Variants in COG5 observed in about 807,000 individuals in gnomAD.
The protein encoded by COG5 is conserved oligomeric Golgi complex subunit 5.
In COG5, 86 loss-of-function variants were observed where a neutral mutation model predicts 110.4. The ratio of observed to expected loss-of-function variants is 0.78; its 90% CI spans 0.65 to 0.93. The LOEUF (loss-of-function observed/expected upper bound fraction) is 0.93. Ranked by LOEUF, COG5 falls within the 40% of genes least tolerant of loss-of-function variation. The probability of loss-of-function intolerance (pLI) is 0.00; values close to 1 mark genes in which losing one functional copy is unlikely to be tolerated. For missense variants in COG5, 1,077 were observed against 987.0 expected (o/e 1.09, Z -1.22); for synonymous variants, 360 against 334.6 (o/e 1.08, Z -0.83).
At chr7:107,244,122 CG>C (rs1801867203) in intron 17 of COG5, among the ~76,000 whole-genome samples, 1 of 151,794 alleles carries the variant, frequency 6.6e-6, no homozygotes, top group African/African-American at 2.4e-5. Flanking sequence ...AGGGGTGGTG[CG>C]GGCCTGTAAT....
chr7:107,401,004 G>A (rs1314397296), intron 7 of COG5, among the ~76,000 whole-genome samples: 2 of 152,102 alleles, frequency 1.3e-5, no homozygotes, highest in African/African-American at 4.8e-5. Flanking sequence ...ATTATTTAAA[G>A]CAGGGATCAG....
At chr7:107,404,625 G>C (rs142352837) in intron 7 of COG5, among the ~76,000 whole-genome samples, 7 of 152,208 alleles carry the variant, frequency 4.6e-5, no homozygotes, top group African/African-American at 1.7e-4. Context: ...GAAAAGCAGA[G>C]AACATATGAG....
At chr7:107,517,590 C>A (rs986547492) in intron 6 of COG5, among the ~76,000 whole-genome samples, 6 of 151,906 alleles carry the variant, frequency 3.9e-5, no homozygotes, top group African/African-American at 1.5e-4. Context: ...TAAGAGCAGC[C>A]AGAGAAAAAG....
intron 6 of COG5, among the ~76,000 whole-genome samples, chr7:107,446,794 C>T (rs1795029461): frequency 1.3e-5 from 2 of 152,212 alleles, no homozygotes; most frequent in African/African-American, 4.8e-5. Context: ...TTCACTACAA[C>T]CTCATGAGAG....
chr7:107,224,434 A>C (rs562253987), intron 19 of COG5, among the ~76,000 whole-genome samples: 1 of 152,348 alleles, frequency 6.6e-6, no homozygotes, highest in East Asian at 1.9e-4. Flanking sequence ...ATCCATCAGA[A>C]CACAGCCCCT....
intron 6 of COG5, among the ~76,000 whole-genome samples, chr7:107,416,177 T>A (rs1326881160): frequency 6.6e-6 from 1 of 151,844 alleles, no homozygotes; most frequent in Non-Finnish European, 1.5e-5. Context: ...GTCATATATG[T>A]GTATCAGAAG....
intron 6 of COG5, among the ~76,000 whole-genome samples, chr7:107,435,046 G>A (rs1794282189): frequency 6.6e-6 from 1 of 151,564 alleles, no homozygotes; most frequent in Non-Finnish European, 1.5e-5. Flanking sequence ...AATGAAATAA[G>A]TCAGTCACAA....
intron 2 of COG5, 72 bp from the exon 3 acceptor site, chr7:107,554,414 G>T (rs1803147528): frequency 7.7e-7 from 1 of 1,294,040 alleles, no homozygotes; most frequent in Non-Finnish European, 1.1e-6. Context: ...ATGTAGAATG[G>T]ACAGTCTCTC....
At chr7:107,559,012 C>CTATA (rs746103526) in intron 1 of COG5, among the ~76,000 whole-genome samples, 2 of 146,610 alleles carry the variant, frequency 1.4e-5, no homozygotes, top group East Asian at 2.0e-4. Context: ...AAAATTGACT[C>CTATA]TATATATATA....
chr7:107,421,490 A>C (rs922041172), intron 6 of COG5, among the ~76,000 whole-genome samples: 1 of 152,186 alleles, frequency 6.6e-6, no homozygotes, highest in Admixed American at 6.5e-5. Flanking sequence ...GAATTGAAAT[A>C]ATACAAAGTA....
intron 6 of COG5, among the ~76,000 whole-genome samples, chr7:107,509,499 C>T (rs1053377068): frequency 2.0e-5 from 3 of 152,134 alleles, no homozygotes; most frequent in Non-Finnish European, 4.4e-5. Context: ...GGAGAACTTC[C>T]CCAATCTAGC....
At chr7:107,342,041 C>T (rs1249583881) in intron 10 of COG5, among the ~76,000 whole-genome samples, 1 of 152,058 alleles carries the variant, frequency 6.6e-6, no homozygotes, top group East Asian at 1.9e-4. Context: ...CCTAATTAGG[C>T]TTAAGAGCTG....
chr7:107,462,069 G>A (rs536164435), intron 6 of COG5, among the ~76,000 whole-genome samples: 66 of 152,176 alleles, frequency 4.3e-4, no homozygotes, highest in African/African-American at 1.5e-3. Context: ...AAAGAACAAG[G>A]GAAAAACAAA....
chr7:107,226,919 T>G (rs1326507275), intron 19 of COG5, among the ~76,000 whole-genome samples: 1 of 152,204 alleles, frequency 6.6e-6, no homozygotes, highest in Non-Finnish European at 1.5e-5. Flanking sequence ...TTCAATTAAC[T>G]CAAGCTATGA....
chr7:107,464,870 G>A (rs1796207421), intron 6 of COG5, among the ~76,000 whole-genome samples: 1 of 152,130 alleles, frequency 6.6e-6, no homozygotes, highest in Non-Finnish European at 1.5e-5. Flanking sequence ...GAAGAGCACT[G>A]AGCTTGGGAA....
At chr7:107,503,905 G>A (rs1798798474) in intron 6 of COG5, among the ~76,000 whole-genome samples, 1 of 152,032 alleles carries the variant, frequency 6.6e-6, no homozygotes, top group Admixed American at 6.6e-5. Context: ...TTTATTTAGG[G>A]TTTTTCATGT....
chr7:107,323,755 C>G (rs114499186), intron 11 of COG5, among the ~76,000 whole-genome samples: 1 of 151,860 alleles, frequency 6.6e-6, no homozygotes, highest in Admixed American at 6.6e-5. Context: ...ATTTAGCATA[C>G]AGTAAGTCCT....
intron 10 of COG5, among the ~76,000 whole-genome samples, chr7:107,352,609 T>C (rs538632640): frequency 8.5e-5 from 13 of 152,164 alleles, no homozygotes; most frequent in Non-Finnish European, 1.8e-4. Context: ...ATTTATCTCA[T>C]AATATTGAAA....
In COG5 at chr7:107,311,441, C is replaced by T. The variant is rs375947683; in HGVS notation, c.1108+12999G>A. Among the ~76,000 whole-genome samples, 18 of 121,262 alleles carry T rather than the reference C, an allele frequency of 1.5e-4. No homozygotes were observed. In the East Asian group the frequency reaches 1.8e-3, roughly 12 times the overall value. 79.6% of individuals were successfully genotyped at this position (121,262 alleles called of 152,430 possible). ...TCGCTCTGTCGCCCAGGCCAGACTG[C>T]GGACTGCAGTGGCGCAATCTCGGCT... On this transcript the variant is annotated intron_variant, in intron 11 of 21. Transcript: ENST00000297135.
Sources: allele counts gnomAD v4.1 joint callset (sites outside exome capture counted in the v4.1 genomes callset), GRCh38; gene constraint gnomAD v4.1.1; transcripts MANE v1.5; gene names NCBI Gene and HGNC (gene_info 2026-07-23, HGNC 2026-07-21).